The following PAGE4 variants were observed in gnomAD, a reference collection of about 807,000 sequenced individuals.
PAGE4 encodes the protein PAGE family member 4.
PAGE4 carries 1 observed loss-of-function variant against 8.5 expected under a neutral mutation model. The observed-to-expected ratio is 0.12, with a 90% CI of 0.04 to 0.56. The LOEUF (loss-of-function observed/expected upper bound fraction) is 0.56, where lower values mean the gene tolerates loss of function less well. PAGE4 is among the 20% of genes least tolerant of loss of function. PAGE4 has a pLI of 0.91. For missense variants in PAGE4, 93 were observed against 82.7 expected (o/e 1.13, Z -0.49); for synonymous variants, 26 against 26.3 (o/e 0.99, Z 0.04).
chrX:49,832,498 T>A (rs782232787), intron 3 of PAGE4, 27 bp from the exon 4 acceptor site: 2 of 1,032,654 alleles, frequency 1.9e-6, no homozygotes, highest in South Asian at 2.2e-5. Flanking sequence ...TGCTTACTTA[T>A]ATCAATAACT....
At position 49,832,343 on chromosome X, in the gene PAGE4, C is replaced by T. The variant is rs12864177; in HGVS notation, c.167-182C>T. 5.5e-3 allele frequency among the ~76,000 whole-genome samples: 611 copies of T among 111,668 alleles called. 3 individuals are homozygous for T. Among genetic ancestry groups the T allele is most frequent in the Middle Eastern group, 0.014 (3 of 218 alleles). ...TGACAACTAAGTTGTCTTAAACAGT[C>T]GTAGGAAAAGAAAACTTCATAGTAG... On this transcript the variant is annotated intron_variant, in intron 3 of 4. Coordinates refer to ENST00000218068, the MANE Select transcript of PAGE4 (RefSeq NM_007003.4).
intron 4 of PAGE4, 28 bp downstream of exon 4, chrX:49,832,678 A>G (rs375037518): frequency 8.7e-7 from 1 of 1,151,657 alleles, no homozygotes; most frequent in Non-Finnish European, 1.2e-6. Flanking sequence ...AATGGAAGTC[A>G]TGGGGTTACT....
chrX:49,833,830 TATG>T lies in PAGE4; in HGVS notation c.293-15_293-13del. 3 of 1,171,179 alleles carry T rather than the reference TATG, an allele frequency of 2.6e-6. No homozygotes were observed. On this transcript the variant is annotated splice_polypyrimidine_tract_variant and intron_variant, in intron 4 of 4. Coordinates refer to ENST00000218068, the MANE Select transcript of PAGE4 (RefSeq NM_007003.4). The stretch of plus-strand genomic sequence containing the variant: ...TCTGCTAAGTAATGAACTCAACTGT[TATG>T]TTTATATTTTAGGAGATGGGCAGCC...
rs782378840 is a variant in PAGE4, at chrX:49,832,569, A to G, written c.211A>G (p.Thr71Ala). 9 of 1,192,739 alleles carry G rather than the reference A, an allele frequency of 7.5e-6. No individual in the cohort carries two copies. In the South Asian group the frequency reaches 1.6e-4, roughly 21 times the overall value. Residue 71 changes from threonine (T) to alanine (A), a missense_variant, in exon 4 of 5, where the codon ACT (threonine) becomes GCT (alanine). Physicochemically the swap from Thr to Ala is moderately conservative, Grantham distance 58. Coordinates refer to ENST00000218068, the MANE Select transcript of PAGE4 (RefSeq NM_007003.4). Reference sequence around the variant, plus strand: ...TTGCCAGGAAATGGATCTGGAAAAGACTCGGAGTGAGCGTGGAGATGGCTC... The same window carrying G: ...TTGCCAGGAAATGGATCTGGAAAAGGCTCGGAGTGAGCGTGGAGATGGCTC... Reference protein sequence around the residue: ...GDCQEMDLEKTRSERGDGSDV... With the variant: ...GDCQEMDLEKARSERGDGSDV...
chrX:49,833,851 G>T lies in PAGE4; in HGVS notation c.298G>T (p.Gly100Trp), dbSNP rs1557156877. ...KHAKTKEAGD[G>W]QP is the part of the protein sequence containing the mutation. ...CTGTTATGTTTATATTTTAGGAGAT[G>T]GGCAGCCATAAGTTAAAAAGAAGAC... Residue 100 changes from glycine to tryptophan, a missense_variant, in exon 5 of 5, where the codon GGG (glycine) becomes TGG (tryptophan). By Grantham distance (184) the Gly-to-Trp change is radical. Transcript: ENST00000218068. The T allele has an allele frequency of 8.4e-7, 1 of 1,185,080 alleles. No homozygotes were observed. The highest frequency in any genetic ancestry group is 1.1e-6 in the Non-Finnish European group (1 of 873,799).
At chrX:49,831,586 T>G (rs1472210692) in intron 3 of PAGE4, among the ~76,000 whole-genome samples, 1 of 112,109 alleles carries the variant, frequency 8.9e-6, no homozygotes. Flanking sequence ...AATCTGTTTG[T>G]CATATATTTA....
Position 49,832,655 on chromosome X carries a change from G to C in PAGE4, c.292+5G>C. The C allele has an allele frequency of 8.4e-7, 1 of 1,192,514 alleles. No individual in the cohort carries two copies. The highest frequency in any genetic ancestry group is 2.3e-4 in the Middle Eastern group (1 of 4,307). On this transcript the variant is annotated splice_donor_5th_base_variant and intron_variant, in intron 4 of 4. Transcript: ENST00000218068. ...ATGCTAAGACTAAAGAAGCAGGTAC[G>C]TTATTCATTCGGAATGGAAGTCATG... is the stretch of plus-strand genomic sequence containing the variant.
chrX:49,831,338 A>C, intron 3 of PAGE4: 1 of 320,740 alleles, frequency 3.1e-6, no homozygotes, highest in Non-Finnish European at 5.3e-6. Flanking sequence ...TAGCAAACAA[A>C]AGGAAACTAC....
chrX:49,832,695 C>A (rs781919537), intron 4 of PAGE4, 45 bp downstream of exon 4: 3 of 1,058,331 alleles, frequency 2.8e-6, no homozygotes, highest in South Asian at 4.3e-5. Context: ...TACTCTTTTT[C>A]TATAATATAC....
chrX:49,831,220 G>T, intron 3 of PAGE4, 136 bp downstream of exon 3: 1 of 468,374 alleles, frequency 2.1e-6, no homozygotes. Flanking sequence ...GTAGTTTTCA[G>T]CTGCTGTAGT....
In PAGE4 at chrX:49,831,077, G is replaced by A. The variant is rs368401157; in HGVS notation, c.159G>A (p.Pro53=). 3.5e-6 allele frequency: 4 copies of A among 1,152,156 alleles called. No homozygotes were observed. The highest frequency in any genetic ancestry group is 1.8e-5 in the African/African-American group (1 of 55,737). The allele number at this position is 1,152,156 out of a possible 1,213,427, so 95.0% of individuals were successfully genotyped here. The change falls in exon 3 of 5, where the codon CCG becomes CCA. Residue 53 remains proline, a synonymous_variant. Coordinates refer to ENST00000218068, the MANE Select transcript of PAGE4 (RefSeq NM_007003.4). ...GACAAGAGAGAGAAGGAACACCTCC[G>A]ATCGAAGGTGAGAAGGGCATGGAGG... ...EPGQEREGTP[P]IEERKVEGDC...
intron 2 of PAGE4, 151 bp downstream of exon 2, chrX:49,830,657 G>A: frequency 2.2e-6 from 1 of 446,173 alleles, no homozygotes; most frequent in Non-Finnish European, 3.9e-6. Flanking sequence ...GAGACATTGA[G>A]CAAGGAGACT....
chrX:49,830,383 C>T lies in PAGE4; in HGVS notation c.-30-16C>T, dbSNP rs782018404. On this transcript the variant is annotated splice_polypyrimidine_tract_variant and intron_variant, in intron 1 of 4. Coordinates refer to ENST00000218068, the MANE Select transcript of PAGE4 (RefSeq NM_007003.4). ...CCATGGAAAGAGTCAAGTATAATTA[C>T]TCCTTTTTATTGCAGTCTTCAGTTC... The T allele has an allele frequency of 3.3e-6, 3 of 899,266 alleles. No individual in the cohort carries two copies. The highest frequency in any genetic ancestry group is 5.5e-5 in the Admixed American group (2 of 36,602). The allele number at this position is 899,266 out of a possible 1,213,427, so 74.1% of individuals were successfully genotyped here. A position where few individuals can be genotyped will look rare whatever the true frequency, so the allele number is the denominator to read the frequency against.
Position 49,832,550 on chromosome X carries a change from G to A in PAGE4, c.192G>A (p.Gln64=), listed in dbSNP as rs192135733. The A allele has an allele frequency of 1.2e-5, 14 of 1,192,471 alleles. No homozygotes were observed. Among genetic ancestry groups the A allele is most frequent in the Admixed American group, 8.9e-5 (4 of 45,188 alleles). The change falls in exon 4 of 5, where the codon CAG becomes CAA. Residue 64 remains glutamine (Q), a synonymous_variant. Coordinates refer to ENST00000218068, the MANE Select transcript of PAGE4 (RefSeq NM_007003.4). ...AACGTAAAGTAGAAGGTGATTGCCA[G>A]GAAATGGATCTGGAAAAGACTCGGA... ...IEERKVEGDC[Q]EMDLEKTRSE...
At chrX:49,830,610 C>A in intron 2 of PAGE4, 104 bp downstream of exon 2, 1 of 537,227 alleles carries the variant, frequency 1.9e-6, no homozygotes, top group Admixed American at 3.9e-5. Context: ...TAAAGGACTT[C>A]CCTGCTGAAA....
At chrX:49,831,182 G>A (rs2147203385) in intron 3 of PAGE4, 98 bp downstream of exon 3, 2 of 547,641 alleles carry the variant, frequency 3.7e-6, no homozygotes, top group East Asian at 7.5e-5. Context: ...CTGGAAACCT[G>A]TAAAGTAATC....
chrX:49,832,681 G>T (rs782638417), intron 4 of PAGE4, 31 bp downstream of exon 4: 2 of 1,149,509 alleles, frequency 1.7e-6, no homozygotes, highest in South Asian at 4.0e-5. Context: ...GGAAGTCATG[G>T]GGTTACTCTT....
chrX:49,831,201 G>C, intron 3 of PAGE4, 117 bp downstream of exon 3: 1 of 503,129 alleles, frequency 2.0e-6, no homozygotes, highest in African/African-American at 2.4e-5. Context: ...TCCTTGGTAA[G>C]GGAATAGTGT....
intron 3 of PAGE4, 36 bp downstream of exon 3, chrX:49,831,120 G>A: frequency 2.1e-6 from 2 of 955,156 alleles, no homozygotes; most frequent in East Asian, 3.3e-5. Flanking sequence ...TGTGTTTCAT[G>A]TATGATTTTA....
Sources: gnomAD v4.1 joint callset for allele counts (sites outside exome capture counted in the v4.1 genomes callset) on GRCh38, gnomAD v4.1.1 for gene constraint, MANE v1.5 for transcripts, NCBI Gene and HGNC (gene_info 2026-07-23, HGNC 2026-07-21) for gene names.